Variants in TRPM8 observed in about 807,000 individuals in gnomAD.
The protein encoded by TRPM8 is TRPM8 cationic channel.
Under a neutral mutation model 133.7 loss-of-function variants are expected in TRPM8, and 110 were observed. That is an observed-to-expected ratio of 0.82 (90% CI 0.70 to 0.96). The LOEUF is 0.96. TRPM8 is among the 40% of genes least tolerant of loss of function. The pLI, the probability that TRPM8 is intolerant of heterozygous loss-of-function variation, is 0.00. For synonymous variants in TRPM8, 535 were observed against 532.3 expected (o/e 1.01, Z -0.07); for missense variants, 1,291 against 1,379.5 (o/e 0.94, Z 1.02).
chr2:233,942,325 G>T (rs1202238521), intron 5 of TRPM8, among the ~76,000 whole-genome samples: 2 of 152,010 alleles, frequency 1.3e-5, no homozygotes, highest in African/African-American at 2.4e-5. Context: ...TGATCCACTC[G>T]CCTTGGCCTC....
intron 12 of TRPM8, among the ~76,000 whole-genome samples, chr2:233,961,931 A>G (rs1206440533): frequency 6.6e-6 from 1 of 152,172 alleles, no homozygotes; most frequent in Non-Finnish European, 1.5e-5. Flanking sequence ...GTCCGGCCTC[A>G]GGTTTTCTTA....
chr2:233,962,484 A>C (rs1691463522), intron 12 of TRPM8, among the ~76,000 whole-genome samples: 1 of 152,176 alleles, frequency 6.6e-6, no homozygotes, highest in Non-Finnish European at 1.5e-5. Flanking sequence ...TCGTGTCCAA[A>C]ATAAACGACT....
intron 11 of TRPM8, among the ~76,000 whole-genome samples, chr2:233,958,723 C>T (rs1156252045): frequency 1.3e-5 from 2 of 152,214 alleles, no homozygotes; most frequent in East Asian, 3.8e-4. Context: ...AGCTCTGCTG[C>T]ATCCACAATG....
intron 1 of TRPM8, among the ~76,000 whole-genome samples, chr2:233,921,569 G>A (rs1032376442): frequency 1.3e-5 from 2 of 152,092 alleles, no homozygotes; most frequent in African/African-American, 4.8e-5. Flanking sequence ...CTGGGATGGG[G>A]AAAAGGGAGA....
At chr2:233,952,605 C>A (rs1479861637) in intron 9 of TRPM8, among the ~76,000 whole-genome samples, 1 of 151,792 alleles carries the variant, frequency 6.6e-6, no homozygotes, top group Non-Finnish European at 1.5e-5. Flanking sequence ...CAGGAGGCTC[C>A]CTGAGCCCCG....
chr2:233,943,231 G>A (rs1449537933), intron 6 of TRPM8, among the ~76,000 whole-genome samples: 1 of 151,606 alleles, frequency 6.6e-6, no homozygotes, highest in Non-Finnish European at 1.5e-5. Flanking sequence ...TTTAACATTA[G>A]GTATATCTCC....
At chr2:233,984,578 T>C (rs1692095251) in intron 20 of TRPM8, among the ~76,000 whole-genome samples, 1 of 152,284 alleles carries the variant, frequency 6.6e-6, no homozygotes, top group Non-Finnish European at 1.5e-5. Flanking sequence ...AAATGTTTTT[T>C]TGAAATCTGT....
intron 22 of TRPM8, among the ~76,000 whole-genome samples, 155 bp downstream of exon 22, chr2:233,996,671 G>A (rs886792653): frequency 6.6e-5 from 10 of 152,198 alleles, no homozygotes; most frequent in Non-Finnish European, 1.3e-4. Flanking sequence ...GCCAACCAAT[G>A]AATTACTCTA....
intron 10 of TRPM8, 126 bp from the exon 11 acceptor site, chr2:233,955,006 C>A: frequency 1.5e-6 from 1 of 676,380 alleles, no homozygotes; most frequent in Non-Finnish European, 2.6e-6. Flanking sequence ...GTTTGAGTGT[C>A]TGAATGTAAG....
At chr2:233,937,281 C>T (rs776257541) in intron 3 of TRPM8, 72 bp from the exon 4 acceptor site, 1 of 1,559,014 alleles carries the variant, frequency 6.4e-7, no homozygotes, top group East Asian at 2.3e-5. Context: ...TCTATTTAAG[C>T]TAACAATACC....
intron 2 of TRPM8, chr2:233,929,881 C>T (rs1691646857): frequency 6.6e-6 from 1 of 152,234 alleles, no homozygotes; most frequent in African/African-American, 2.4e-5. Context: ...AATGGGATCT[C>T]ACTGTGGTTT....
rs927000602 is a variant in TRPM8, at chr2:233,989,397, G to A, written c.2939+3532G>A. ...CTGTTGCCCCAGTCAGTGCTTAAGT[G>A]TGACAGCTTGCAACATCCCTGTCCT... On this transcript the variant is annotated intron_variant, in intron 21 of 25. Coordinates refer to ENST00000324695, the MANE Select transcript of TRPM8 (RefSeq NM_024080.5). The surrounding 1 kb of genome is among the most constrained non-coding windows in gnomAD (Gnocchi z 4.2). Among the ~76,000 whole-genome samples, 7 of 152,184 alleles carry A rather than the reference G, an allele frequency of 4.6e-5. No homozygotes were observed. Among genetic ancestry groups the A allele is most frequent in the African/African-American group, 1.4e-4 (6 of 41,460 alleles).
In TRPM8 at chr2:233,953,643, G is replaced by GAC. The variant is rs143487123; in HGVS notation, c.1141-256_1141-255dup. 406 of 236,030 alleles carry GAC rather than the reference G, an allele frequency of 1.7e-3. 2 individuals are homozygous for GAC. Among genetic ancestry groups the GAC allele is most frequent in the South Asian group, 3.0e-3 (28 of 9,210 alleles). 14.6% of individuals were successfully genotyped at this position (236,030 alleles called of 1,614,324 possible). On this transcript the variant is annotated intron_variant, in intron 9 of 25. Transcript: ENST00000324695. ...GCATCTGCCATGTGCCAGGCTTTGT[G>GAC]ACACACACACACACACACAGCACCT...
intron 14 of TRPM8, 134 bp from the exon 15 acceptor site, chr2:233,966,476 T>G: frequency 9.1e-7 from 1 of 1,103,376 alleles, no homozygotes; most frequent in Non-Finnish European, 1.3e-6. Context: ...GATGGCATTT[T>G]CTATGCCTTT....
chr2:233,992,158 G>A (rs372997990), intron 21 of TRPM8, among the ~76,000 whole-genome samples: 1 of 152,022 alleles, frequency 6.6e-6, no homozygotes, highest in African/African-American at 2.4e-5. Context: ...ACGTAAGAAG[G>A]TTATTAAAGT....
chr2:234,003,243 G>A (rs533593013), intron 22 of TRPM8, among the ~76,000 whole-genome samples: 67 of 152,290 alleles, frequency 4.4e-4, no homozygotes, highest in African/African-American at 1.5e-3. Context: ...ATGCCTTAAA[G>A]AATCATCATA....
chr2:233,973,397 G>T (rs1056028308), intron 17 of TRPM8, among the ~76,000 whole-genome samples: 4 of 152,138 alleles, frequency 2.6e-5, no homozygotes, highest in Admixed American at 2.0e-4. Context: ...GCTTTTGGCG[G>T]CCAGCTGGCA....
intron 17 of TRPM8, among the ~76,000 whole-genome samples, chr2:233,975,428 G>C (rs972043313): frequency 1.5e-4 from 23 of 152,188 alleles, no homozygotes; most frequent in Non-Finnish European, 2.9e-5. Flanking sequence ...CCTCTTCTCA[G>C]AATGGTTGAT....
At chr2:233,981,584 T>C (rs375921827) in intron 18 of TRPM8, among the ~76,000 whole-genome samples, 190 bp from the exon 19 acceptor site, 20 of 152,142 alleles carry the variant, frequency 1.3e-4, no homozygotes, top group African/African-American at 3.9e-4. Context: ...TGTCTTTTCA[T>C]GTCCTTGACT....
Sources: allele counts gnomAD v4.1 joint callset (sites outside exome capture counted in the v4.1 genomes callset), GRCh38; gene constraint gnomAD v4.1.1; non-coding constraint Gnocchi (gnomAD v3.1); transcripts MANE v1.5; gene names NCBI Gene and HGNC (gene_info 2026-07-23, HGNC 2026-07-21).